Variants in NKAIN2 observed in about 807,000 individuals in gnomAD.
NKAIN2 encodes sodium/potassium transporting ATPase interacting 2, also known as sodium/potassium-transporting ATPase subunit beta-1-interacting protein 2.
Under a neutral mutation model 32.6 loss-of-function variants are expected in NKAIN2, and 14 were observed. The observed-to-expected ratio is 0.43, with a 90% CI of 0.28 to 0.67. NKAIN2 has a LOEUF of 0.67. Among genes scored for constraint, NKAIN2 ranks in the 30% least tolerant of loss-of-function variants. The pLI, the probability that NKAIN2 is intolerant of heterozygous loss-of-function variation, is 0.17. For synonymous variants in NKAIN2, 80 were observed against 87.2 expected (o/e 0.92, Z 0.46); for missense variants, 198 against 258.3 (o/e 0.77, Z 1.60).
chr6:124,261,627 A>G (rs186533029), intron 1 of NKAIN2, among the ~76,000 whole-genome samples: 1 of 152,278 alleles, frequency 6.6e-6, no homozygotes, highest in African/African-American at 2.4e-5. Flanking sequence ...TTGGGGGCCA[A>G]GGTAGGTGGA....
chr6:123,997,597 CTTTTT>C (rs545393601), intron 1 of NKAIN2, among the ~76,000 whole-genome samples: 187 of 98,238 alleles, frequency 1.9e-3, no homozygotes, highest in Middle Eastern at 7.7e-3. Flanking sequence ...GGAGTTTATT[CTTTTT>C]TTTTTTTTTT....
At chr6:124,441,042 T>A (rs948814167) in intron 3 of NKAIN2, among the ~76,000 whole-genome samples, 1 of 152,104 alleles carries the variant, frequency 6.6e-6, no homozygotes, top group African/African-American at 2.4e-5. Context: ...AAGATCACAC[T>A]TGGATAATTG....
chr6:124,227,710 C>A (rs1313532356), intron 1 of NKAIN2, among the ~76,000 whole-genome samples: 1 of 152,076 alleles, frequency 6.6e-6, no homozygotes, highest in Non-Finnish European at 1.5e-5. Flanking sequence ...CTTTCCTAAT[C>A]CATTTCTAAT....
At chr6:124,641,555 TTTTTTTTTTTTTTTGAG>T (rs1783992050) in intron 3 of NKAIN2, among the ~76,000 whole-genome samples, 3 of 113,242 alleles carry the variant, frequency 2.6e-5, no homozygotes, top group African/African-American at 1.1e-4. Context: ...TTTTTTTTTT[TTTTTTTTTTTTTTTGAG>T]ACAGTGTCTT....
intron 3 of NKAIN2, among the ~76,000 whole-genome samples, chr6:124,638,342 T>C (rs150201388): frequency 7.2e-4 from 109 of 152,276 alleles, no homozygotes; most frequent in African/African-American, 2.5e-3. Flanking sequence ...TTTCATGACA[T>C]AGGTCAAGGC....
Position 124,562,015 on chromosome 6 carries a change from C to G in NKAIN2, c.274-96171C>G, listed in dbSNP as rs1444454829. On this transcript the variant is annotated intron_variant, in intron 3 of 6. Coordinates refer to ENST00000368417, the MANE Select transcript of NKAIN2 (RefSeq NM_001040214.3). Reference sequence around the variant, plus strand: ...GCGTCTGTCATTGTGGAGAAATTTACCATTAAGATTTAAGTCTCCGAAATC... The same window carrying G: ...GCGTCTGTCATTGTGGAGAAATTTAGCATTAAGATTTAAGTCTCCGAAATC... 2.0e-5 allele frequency among the ~76,000 whole-genome samples: 3 copies of G among 152,162 alleles called. No homozygotes were observed. In the East Asian group the frequency reaches 5.8e-4, roughly 29 times the overall value.
At chr6:124,093,721 T>G (rs1225364932) in intron 1 of NKAIN2, among the ~76,000 whole-genome samples, 1 of 152,088 alleles carries the variant, frequency 6.6e-6, no homozygotes, top group African/African-American at 2.4e-5. Context: ...ATTTCCCTTG[T>G]CTATAAGCAC....
At chr6:123,940,324 G>A (rs932755800) in intron 1 of NKAIN2, among the ~76,000 whole-genome samples, 7 of 150,746 alleles carry the variant, frequency 4.6e-5, no homozygotes, top group African/African-American at 1.7e-4. Context: ...GTGTGTGTGT[G>A]CCTGTGTGTG....
intron 1 of NKAIN2, among the ~76,000 whole-genome samples, chr6:123,869,203 A>G (rs1263222082): frequency 6.6e-6 from 1 of 152,250 alleles, no homozygotes; most frequent in South Asian, 2.1e-4. Flanking sequence ...CAGTTACTCC[A>G]TAAAATAGGC....
At chr6:123,832,079 T>A (rs1774411535) in intron 1 of NKAIN2, among the ~76,000 whole-genome samples, 1 of 152,186 alleles carries the variant, frequency 6.6e-6, no homozygotes, top group South Asian at 2.1e-4. Flanking sequence ...ATCATTATAG[T>A]ATCATGCAGA....
At chr6:124,816,430 G>T (rs72979757) in intron 5 of NKAIN2, among the ~76,000 whole-genome samples, 14 of 152,066 alleles carry the variant, frequency 9.2e-5, no homozygotes, top group Non-Finnish European at 1.6e-4. Flanking sequence ...ATGGACTTTG[G>T]ATGATGATGA....
intron 3 of NKAIN2, chr6:124,490,416 T>TTTG (rs1341545584): frequency 4.9e-6 from 2 of 410,930 alleles, no homozygotes; most frequent in South Asian, 1.8e-5. Flanking sequence ...ATAGAGGTTT[T>TTTG]TTTTTTTTTT....
At chr6:124,596,033 C>T (rs765515351) in intron 3 of NKAIN2, among the ~76,000 whole-genome samples, 1 of 152,106 alleles carries the variant, frequency 6.6e-6, no homozygotes, top group Non-Finnish European at 1.5e-5. Context: ...GGAGGCTGGA[C>T]TGGATGTTCT....
At chr6:124,723,844 A>G (rs1280908665) in intron 4 of NKAIN2, among the ~76,000 whole-genome samples, 1 of 152,336 alleles carries the variant, frequency 6.6e-6, no homozygotes, top group African/African-American at 2.4e-5. Flanking sequence ...CAGATCTTTT[A>G]CTTCCAAAAT....
At chr6:123,812,454 T>C (rs1272563684) in intron 1 of NKAIN2, among the ~76,000 whole-genome samples, 1 of 152,242 alleles carries the variant, frequency 6.6e-6, no homozygotes, top group Non-Finnish European at 1.5e-5. Context: ...GGCTATTTTA[T>C]ATTATATATG....
chr6:124,476,023 TGTGTGTGTGAGAGA>T, intron 3 of NKAIN2, among the ~76,000 whole-genome samples: 1 of 150,888 alleles, frequency 6.6e-6, no homozygotes, highest in African/African-American at 2.4e-5. Context: ...TGTGAGCGTG[TGTGTGTGTGAGAGA>T]GTGTGTGTGT....
intron 4 of NKAIN2, among the ~76,000 whole-genome samples, chr6:124,728,734 A>G (rs1355308557): frequency 3.3e-5 from 5 of 151,002 alleles, no homozygotes; most frequent in Non-Finnish European, 5.9e-5. Flanking sequence ...AAATAGAGAC[A>G]CAAAAAACCC....
chr6:124,033,239 G>A (rs960107979), intron 1 of NKAIN2, among the ~76,000 whole-genome samples: 7 of 152,102 alleles, frequency 4.6e-5, no homozygotes, highest in Non-Finnish European at 8.8e-5. Context: ...GTGAAGATTA[G>A]TGTTCTGTTA....
intron 3 of NKAIN2, among the ~76,000 whole-genome samples, chr6:124,620,858 A>G (rs182725403): frequency 6.6e-6 from 1 of 152,346 alleles, no homozygotes; most frequent in Admixed American, 6.5e-5. Context: ...ACTTGCAACA[A>G]TTTGCCAGAG....
Sources: allele counts gnomAD v4.1 joint callset (sites outside exome capture counted in the v4.1 genomes callset), GRCh38; gene constraint gnomAD v4.1.1; transcripts MANE v1.5; gene names NCBI Gene and HGNC (gene_info 2026-07-23, HGNC 2026-07-21).